MCHR2: variants seen among roughly 807,000 people sequenced by gnomAD.
MCHR2 encodes melanin-concentrating hormone receptor 2.
A neutral mutation model predicts 24.8 loss-of-function variants in MCHR2; 15 were observed. The ratio of observed to expected loss-of-function variants is 0.60; its 90% CI spans 0.40 to 0.93. MCHR2 has a LOEUF of 0.93. MCHR2 is among the 40% of genes least tolerant of loss of function. The pLI is 0.00. For synonymous variants in MCHR2, 151 were observed against 147.6 expected (o/e 1.02, Z -0.17); for missense variants, 386 against 408.7 (o/e 0.94, Z 0.48).
At chr6:99,956,944 A>ATGTG (rs3038362) in intron 1 of MCHR2, among the ~76,000 whole-genome samples, 151 of 150,446 alleles carry the variant, frequency 1.0e-3, no homozygotes, top group South Asian at 3.4e-3. Context: ...GCTGGACAAA[A>ATGTG]TGTGTGTGTG....
At position 99,943,077 on chromosome 6, in the gene MCHR2, G is replaced by A; in HGVS notation, c.459C>T (p.Ile153=). 1 of 1,613,276 alleles carries A rather than the reference G, an allele frequency of 6.2e-7. No homozygotes were observed. The highest frequency in any genetic ancestry group is 1.1e-5 in the South Asian group (1 of 91,036). The part of the protein sequence containing the change: ...RWRTRYKTIR[I]NLGLWAASFI... ...AGGAAGCTGCCCAAAGGCCCAAATT[G>A]ATCCGGATGGTCTTGTACCTTGTTC... Residue 153 remains isoleucine (I), a synonymous_variant, in exon 4 of 6, where the codon ATC becomes ATT. Transcript: ENST00000281806.
intron 1 of MCHR2, among the ~76,000 whole-genome samples, chr6:99,990,318 C>G (rs984445160): frequency 2.0e-5 from 3 of 152,134 alleles, no homozygotes; most frequent in Admixed American, 6.5e-5. Context: ...AACTTGTTCT[C>G]ATAAAACAAG....
rs190784413 is a variant in MCHR2, at chr6:99,935,509, T to C, written c.588-992A>G. 2.6e-5 allele frequency among the ~76,000 whole-genome samples: 4 copies of C among 152,148 alleles called. No individual in the cohort carries two copies. The East Asian group carries it at 7.7e-4, about 29-fold the overall frequency. On this transcript the variant is annotated intron_variant, in intron 4 of 5. Coordinates refer to ENST00000281806, the MANE Select transcript of MCHR2 (RefSeq NM_001040179.2). ...GTTTCACTTAACATAATAGCCTTCATTTCTATTCATGTTGCTACAAATGAC... is the reference window on the plus strand; with the variant it reads ...GTTTCACTTAACATAATAGCCTTCACTTCTATTCATGTTGCTACAAATGAC...
chr6:99,988,507 C>G (rs1775807642), intron 1 of MCHR2, among the ~76,000 whole-genome samples: 1 of 152,182 alleles, frequency 6.6e-6, no homozygotes. Context: ...GTCACATGCT[C>G]TTTGCCAAAC....
chr6:99,979,891 T>G lies in MCHR2; in HGVS notation c.-28+14045A>C, dbSNP rs147088136. Among the ~76,000 whole-genome samples, 890 of 152,278 alleles carry G rather than the reference T, an allele frequency of 5.8e-3. 9 individuals carry two copies. Among genetic ancestry groups the G allele is most frequent in the African/African-American group, 0.021 (858 of 41,546 alleles). On this transcript the variant is annotated intron_variant, in intron 1 of 5. Transcript: ENST00000281806. ...GTTAAAGAAGAAAATTTCTGAAAAA[T>G]GTATGCTCCTTTGCAGAGACAGTTA...
intron 5 of MCHR2, among the ~76,000 whole-genome samples, chr6:99,931,798 G>A (rs1774549371): frequency 6.6e-6 from 1 of 152,166 alleles, no homozygotes. Flanking sequence ...CCCAAGTGAG[G>A]CAATGCCTTG....
intron 1 of MCHR2, among the ~76,000 whole-genome samples, chr6:99,981,480 A>G (rs1293138848): frequency 6.6e-6 from 1 of 152,076 alleles, no homozygotes; most frequent in Non-Finnish European, 1.5e-5. Flanking sequence ...GGCCAATGGT[A>G]TGTGTGGTTA....
intron 1 of MCHR2, among the ~76,000 whole-genome samples, chr6:99,981,891 T>C (rs1175386662): frequency 6.6e-6 from 1 of 152,166 alleles, no homozygotes; most frequent in East Asian, 1.9e-4. Context: ...TAATTATTAG[T>C]TGTGTGTTTA....
intron 2 of MCHR2, among the ~76,000 whole-genome samples, chr6:99,955,690 A>G (rs1419892487): frequency 6.6e-6 from 1 of 152,136 alleles, no homozygotes; most frequent in East Asian, 1.9e-4. Flanking sequence ...TCTAATATGC[A>G]GCTAAGACTG....
intron 1 of MCHR2, among the ~76,000 whole-genome samples, chr6:99,980,641 T>C (rs1452706633): frequency 6.6e-6 from 1 of 152,038 alleles, no homozygotes. Flanking sequence ...AAAAAAAATT[T>C]TCGAGATATA....
rs1444126576 is a variant in MCHR2, at chr6:99,993,989, T to G, written c.-81A>C. On this transcript the variant is annotated 5_prime_UTR_variant, in exon 1 of 6. Transcript: ENST00000281806. ...GGACAGCCCGGGCGCCCTTCCTCTC[T>G]GCGGGACTGCAGGTCTATCCGCTAA... The G allele has an allele frequency of 2.6e-5, 4 of 152,098 alleles. No individual in the cohort carries two copies. The East Asian group carries it at 7.8e-4, about 30-fold the overall frequency. 9.4% of individuals were successfully genotyped at this position (152,098 alleles called of 1,614,324 possible).
intron 1 of MCHR2, among the ~76,000 whole-genome samples, chr6:99,964,218 G>C (rs752363306): frequency 3.5e-4 from 53 of 152,052 alleles, no homozygotes; most frequent in Non-Finnish European, 7.2e-4. Flanking sequence ...TATTAAAGTT[G>C]AATAGATACA....
chr6:99,974,759 A>G (rs954329559), intron 1 of MCHR2, among the ~76,000 whole-genome samples: 1 of 152,132 alleles, frequency 6.6e-6, no homozygotes, highest in Non-Finnish European at 1.5e-5. Flanking sequence ...CCTGTTTGTT[A>G]GTTTTCCTTC....
intron 1 of MCHR2, among the ~76,000 whole-genome samples, chr6:99,973,653 C>T (rs1775484267): frequency 6.6e-6 from 1 of 152,126 alleles, no homozygotes; most frequent in Admixed American, 6.5e-5. Flanking sequence ...TTCTTCCTAG[C>T]CTTGATGGTC....
intron 1 of MCHR2, among the ~76,000 whole-genome samples, chr6:99,968,109 A>G (rs770507424): frequency 6.6e-6 from 1 of 152,236 alleles, no homozygotes; most frequent in Non-Finnish European, 1.5e-5. Context: ...CAGTTATTAC[A>G]ATAATCATCA....
intron 1 of MCHR2, among the ~76,000 whole-genome samples, chr6:99,982,467 GAAAAAAAAAAAAAAA>G (rs1196029682): frequency 2.1e-5 from 1 of 46,638 alleles, no homozygotes; most frequent in African/African-American, 9.1e-5. Context: ...TGTCTGTACA[GAAAAAAAAAAAAAAA>G]AAAAAAAAAA....
intron 2 of MCHR2, among the ~76,000 whole-genome samples, chr6:99,953,836 G>A (rs1775011225): frequency 6.6e-6 from 1 of 152,056 alleles, no homozygotes; most frequent in Non-Finnish European, 1.5e-5. Context: ...GACACAATAA[G>A]GAATGCTTGA....
intron 2 of MCHR2, among the ~76,000 whole-genome samples, chr6:99,950,721 C>T (rs958625183): frequency 2.0e-5 from 3 of 152,092 alleles, no homozygotes; most frequent in African/African-American, 7.2e-5. Flanking sequence ...CAAGTGATCA[C>T]AGTGATCATC....
intron 1 of MCHR2, among the ~76,000 whole-genome samples, chr6:99,975,203 G>A (rs1172460106): frequency 2.6e-5 from 4 of 152,190 alleles, no homozygotes; most frequent in African/African-American, 9.6e-5. Context: ...AGGTCTCCTT[G>A]AGCTGTGGTG....
Sources: gnomAD v4.1 joint callset for allele counts (sites outside exome capture counted in the v4.1 genomes callset) on GRCh38, gnomAD v4.1.1 for gene constraint, MANE v1.5 for transcripts, NCBI Gene and HGNC (gene_info 2026-07-23, HGNC 2026-07-21) for gene names.